Variants in TMEM132D observed in about 807,000 individuals in gnomAD.
TMEM132D encodes transmembrane protein 132D, also known as mature OL transmembrane protein.
Under a neutral mutation model 62.3 loss-of-function variants are expected in TMEM132D, and 21 were observed. The observed-to-expected ratio is 0.34, with a 90% CI of 0.24 to 0.49. The LOEUF is 0.49. TMEM132D is among the 20% of genes least tolerant of loss of function. The pLI, the probability that TMEM132D is intolerant of heterozygous loss-of-function variation, is 0.99. For synonymous variants in TMEM132D, 621 were observed against 575.6 expected (o/e 1.08, Z -1.13); for missense variants, 1,346 against 1,402.8 (o/e 0.96, Z 0.65).
chr12:129,780,020 CAGTT>C (rs1013560461), intron 1 of TMEM132D, among the ~76,000 whole-genome samples: 1 of 151,338 alleles, frequency 6.6e-6, no homozygotes, highest in Non-Finnish European at 1.5e-5. Flanking sequence ...CCAGGTTTCA[CAGTT>C]AGGAGTGTGA....
At chr12:129,787,126 C>G (rs1280413127) in intron 1 of TMEM132D, among the ~76,000 whole-genome samples, 1 of 151,014 alleles carries the variant, frequency 6.6e-6, no homozygotes, top group African/African-American at 2.5e-5. Context: ...GCCACTCACC[C>G]TCCTCATTAT....
intron 3 of TMEM132D, among the ~76,000 whole-genome samples, chr12:129,496,017 A>C (rs1010387527): frequency 6.6e-6 from 1 of 152,092 alleles, no homozygotes; most frequent in African/African-American, 2.4e-5. Context: ...CACAAAGAGA[A>C]CCTCGCACCC....
intron 1 of TMEM132D, among the ~76,000 whole-genome samples, chr12:129,760,956 C>T (rs1396694494): frequency 6.6e-6 from 1 of 151,954 alleles, no homozygotes; most frequent in Non-Finnish European, 1.5e-5. Flanking sequence ...ATGATGGTTT[C>T]CAGCTTCATC....
intron 3 of TMEM132D, among the ~76,000 whole-genome samples, chr12:129,394,285 C>G (rs530227757): frequency 3.9e-5 from 6 of 152,262 alleles, no homozygotes; most frequent in Middle Eastern, 3.4e-3. Flanking sequence ...CTGTTCCCGT[C>G]AATACATTTT....
chr12:129,674,700 T>C (rs532855226), intron 2 of TMEM132D, among the ~76,000 whole-genome samples: 415 of 152,162 alleles, frequency 2.7e-3, no homozygotes, highest in South Asian at 6.0e-3. Context: ...CCACCACACC[T>C]GGCTAATTTT....
Position 129,699,816 on chromosome 12 carries a change from G to C in TMEM132D, c.962C>G (p.Thr321Arg), listed in dbSNP as rs1881332562. ...ACATTGGGAAACGACTTACCTCAACGTGAAGCGATCTTCAGTGGAATTTCT... is the reference window on the plus strand; with the variant it reads ...ACATTGGGAAACGACTTACCTCAACCTGAAGCGATCTTCAGTGGAATTTCT... ...ISRNSTEDRF[T>R]LRAKVKKGVN... Residue 321 changes from threonine to arginine, a missense_variant, in exon 2 of 9, where the codon ACG becomes AGG. Physicochemically the swap from Thr to Arg is moderately conservative, Grantham distance 71. Coordinates refer to ENST00000422113, the MANE Select transcript of TMEM132D (RefSeq NM_133448.3). The C allele has an allele frequency of 6.2e-7, 1 of 1,613,838 alleles. No homozygotes were observed. The highest frequency in any genetic ancestry group is 8.5e-7 in the Non-Finnish European group (1 of 1,179,864).
chr12:129,133,804 G>A (rs1876452503), intron 5 of TMEM132D, among the ~76,000 whole-genome samples: 1 of 152,178 alleles, frequency 6.6e-6, no homozygotes, highest in African/African-American at 2.4e-5. Flanking sequence ...GCGCCAATTA[G>A]GTCAGGAATG....
chr12:129,310,335 A>G (rs1881943088), intron 4 of TMEM132D, among the ~76,000 whole-genome samples: 1 of 152,206 alleles, frequency 6.6e-6, no homozygotes, highest in South Asian at 2.1e-4. Context: ...GGGGATAGAG[A>G]TGAACCACAG....
At chr12:129,079,326 G>A (rs1407595970) in intron 7 of TMEM132D, among the ~76,000 whole-genome samples, 16 of 152,052 alleles carry the variant, frequency 1.1e-4, no homozygotes. Context: ...AATATCGTTG[G>A]GCATATTCTG....
intron 3 of TMEM132D, among the ~76,000 whole-genome samples, chr12:129,466,279 CTTTTTTTTTTTTTTTTTTTTTTTT>C (rs551019541): frequency 3.5e-4 from 35 of 100,386 alleles, no homozygotes; most frequent in African/African-American, 7.6e-5. Context: ...TAGATTTTTC[CTTTTTTTTTTTTTTTTTTTTTTTT>C]TTTTTTTTTT....
chr12:129,601,862 A>G (rs1022942086), intron 2 of TMEM132D, among the ~76,000 whole-genome samples: 69 of 152,204 alleles, frequency 4.5e-4, no homozygotes, highest in African/African-American at 1.6e-3. Context: ...AATTGTCACA[A>G]TGTGACACAG....
chr12:129,293,545 A>G (rs1158100090), intron 4 of TMEM132D, among the ~76,000 whole-genome samples: 1 of 152,140 alleles, frequency 6.6e-6, no homozygotes, highest in Non-Finnish European at 1.5e-5. Flanking sequence ...ATAATATACA[A>G]TGAAATAATT....
intron 4 of TMEM132D, among the ~76,000 whole-genome samples, chr12:129,291,461 TG>T (rs1237566979): frequency 6.6e-6 from 1 of 152,218 alleles, no homozygotes; most frequent in Non-Finnish European, 1.5e-5. Flanking sequence ...TTGTTCTAGA[TG>T]TCTTTTCGCC....
At chr12:129,180,080 C>T (rs977707246) in intron 5 of TMEM132D, among the ~76,000 whole-genome samples, 14 of 151,914 alleles carry the variant, frequency 9.2e-5, no homozygotes, top group African/African-American at 1.7e-4. Context: ...GAGCTGCTGT[C>T]ATAAATGGCA....
chr12:129,365,939 C>T (rs1870394476), intron 3 of TMEM132D, among the ~76,000 whole-genome samples: 1 of 152,060 alleles, frequency 6.6e-6, no homozygotes, highest in Non-Finnish European at 1.5e-5. Context: ...CCAGCACTGT[C>T]CACCCGCCCC....
At chr12:129,255,823 C>T (rs184653016) in intron 4 of TMEM132D, among the ~76,000 whole-genome samples, 1 of 152,198 alleles carries the variant, frequency 6.6e-6, no homozygotes, top group African/African-American at 2.4e-5. Context: ...AGAGGGTTCT[C>T]TTTTACAGAA....
Position 129,776,788 on chromosome 12 carries a change from CAAA to C in TMEM132D, c.80-76093_80-76091del, listed in dbSNP as rs148740560. ...AGCTACATTTTTAAATAATGGGCTT[CAAA>C]AAAAAAAAAAAAAAAAGAAAAGGAA... On this transcript the variant is annotated intron_variant, in intron 1 of 8. Transcript: ENST00000422113. Among the ~76,000 whole-genome samples, 29 of 68,460 alleles carry C rather than the reference CAAA, an allele frequency of 4.2e-4. 1 individual carries two copies. The highest frequency in any genetic ancestry group is 1.5e-3 in the East Asian group (4 of 2,718). The allele number at this position is 68,460 out of a possible 152,430, so 44.9% of individuals were successfully genotyped here. A position where few individuals can be genotyped will look rare whatever the true frequency, so the allele number is the denominator to read the frequency against.
intron 3 of TMEM132D, among the ~76,000 whole-genome samples, chr12:129,490,378 T>C (rs780877972): frequency 8.6e-5 from 13 of 151,336 alleles, no homozygotes; most frequent in Non-Finnish European, 1.6e-4. Flanking sequence ...CTTGATGATA[T>C]TATAAATATT....
chr12:129,803,026 C>A (rs909978207), intron 1 of TMEM132D, among the ~76,000 whole-genome samples: 9 of 150,792 alleles, frequency 6.0e-5, no homozygotes, highest in African/African-American at 2.0e-4. Context: ...CAGGAGCACC[C>A]AGATTCATAG....
Sources: gnomAD v4.1 joint callset for allele counts (sites outside exome capture counted in the v4.1 genomes callset) on GRCh38, gnomAD v4.1.1 for gene constraint, MANE v1.5 for transcripts, NCBI Gene and HGNC (gene_info 2026-07-23, HGNC 2026-07-21) for gene names.